EHD1: variants seen among roughly 807,000 people sequenced by gnomAD.
The protein encoded by EHD1 is EH domain-containing protein 1.
In EHD1, 19 loss-of-function variants were observed where a neutral mutation model predicts 39.0. The observed-to-expected ratio is 0.49, with a 90% CI of 0.34 to 0.72. The LOEUF (loss-of-function observed/expected upper bound fraction) is 0.72. Among genes scored for constraint, EHD1 ranks in the 30% least tolerant of loss-of-function variants. The pLI is 0.01. For synonymous variants in EHD1, 323 were observed against 331.2 expected (o/e 0.98, Z 0.27); for missense variants, 542 against 751.5 (o/e 0.72, Z 3.26).
intron 2 of EHD1, among the ~76,000 whole-genome samples, chr11:64,870,989 C>T (rs1182689397): frequency 6.6e-6 from 1 of 152,210 alleles, no homozygotes; most frequent in Non-Finnish European, 1.5e-5. Context: ...AGCCTGGCTG[C>T]ATCCTGACTG....
chr11:64,863,610 G>A (rs938631456), intron 2 of EHD1, among the ~76,000 whole-genome samples: 1 of 152,196 alleles, frequency 6.6e-6, no homozygotes, highest in African/African-American at 2.4e-5. Flanking sequence ...AGTCAAGCTC[G>A]CTCATGGGAT....
intron 1 of EHD1, among the ~76,000 whole-genome samples, chr11:64,876,503 C>T (rs1029487326): frequency 2.0e-5 from 3 of 152,188 alleles, no homozygotes; most frequent in Admixed American, 6.5e-5. Context: ...ATCAAAGCAC[C>T]GGTCTCGGAC....
In EHD1 at chr11:64,868,455, C is replaced by T. The variant is rs748031108; in HGVS notation, c.502+5966G>A. On this transcript the variant is annotated intron_variant, in intron 2 of 4. Transcript: ENST00000320631. The surrounding 1 kb of genome is among the most constrained non-coding windows in gnomAD (Gnocchi z 4.2). ...GCCCCAACAGGTGAATGGATGACAA[C>T]GGATGGTGCATCCCTATGATGGGAC... Among the ~76,000 whole-genome samples, 1 of 152,214 alleles carries T rather than the reference C, an allele frequency of 6.6e-6. No homozygotes were observed. Among genetic ancestry groups the T allele is most frequent in the Non-Finnish European group, 1.5e-5 (1 of 68,050 alleles).
intron 3 of EHD1, among the ~76,000 whole-genome samples, chr11:64,857,122 G>C (rs570077512): frequency 6.6e-6 from 1 of 152,314 alleles, no homozygotes; most frequent in East Asian, 1.9e-4. Context: ...AGAAGGGAGA[G>C]ATCTAGAAAA....
At chr11:64,864,468 G>A (rs1161283335) in intron 2 of EHD1, among the ~76,000 whole-genome samples, 1 of 152,178 alleles carries the variant, frequency 6.6e-6, no homozygotes, top group Admixed American at 6.5e-5. Flanking sequence ...AGAAAGAGAG[G>A]CCAAGGGCAA....
intron 3 of EHD1, among the ~76,000 whole-genome samples, chr11:64,856,847 G>A (rs1428916404): frequency 6.6e-6 from 1 of 152,246 alleles, no homozygotes; most frequent in Non-Finnish European, 1.5e-5. Context: ...TCCAGGCGCG[G>A]TGACTCAGTG....
intron 1 of EHD1, among the ~76,000 whole-genome samples, chr11:64,874,865 C>T (rs1329437777): frequency 1.3e-5 from 2 of 152,338 alleles, no homozygotes; most frequent in Non-Finnish European, 2.9e-5. Flanking sequence ...CAGAAGGTCA[C>T]GCTGGGGCGC....
Position 64,877,784 on chromosome 11 carries a change from G to A in EHD1, c.404+277C>T, listed in dbSNP as rs567534252. On this transcript the variant is annotated intron_variant, in intron 1 of 4. Coordinates refer to ENST00000320631, the MANE Select transcript of EHD1 (RefSeq NM_006795.4). ...CTTCCTACTGCGGCCCTGCTGCTGAGGGGAGTGGGGCTGGGATCTGCAGGA... is the reference window on the plus strand; with the variant it reads ...CTTCCTACTGCGGCCCTGCTGCTGAAGGGAGTGGGGCTGGGATCTGCAGGA... 1.6e-4 allele frequency: 59 copies of A among 364,232 alleles called. 1 individual carries two copies. The highest frequency in any genetic ancestry group is 1.0e-3 in the African/African-American group (48 of 48,136). The allele number at this position is 364,232 out of a possible 1,614,324, so 22.6% of individuals were successfully genotyped here.
chr11:64,852,001 G>GTC lies in EHD1; in HGVS notation c.*2331_*2332insGA, dbSNP rs1470422474. 1 of 152,242 alleles carries GTC rather than the reference G, an allele frequency of 6.6e-6. No homozygotes were observed. The highest frequency in any genetic ancestry group is 2.4e-5 in the African/African-American group (1 of 41,444). The allele number at this position is 152,242 out of a possible 1,614,324, so 9.4% of individuals were successfully genotyped here. A position where few individuals can be genotyped will look rare whatever the true frequency, so the allele number is the denominator to read the frequency against. Reference sequence around the variant, plus strand: ...ACTGAAGCATCCACTGGCACCTCAAGTGCTGGTCATAGGACCAGACACCAC... The same window carrying GTC: ...ACTGAAGCATCCACTGGCACCTCAAGTCTGCTGGTCATAGGACCAGACACCAC... On this transcript the variant is annotated 3_prime_UTR_variant, in exon 5 of 5. Transcript: ENST00000320631.
chr11:64,859,491 G>C (rs1414166978), intron 3 of EHD1: 2 of 160,420 alleles, frequency 1.2e-5, no homozygotes, highest in African/African-American at 4.8e-5. Flanking sequence ...CTGCACTCCA[G>C]CTTGGGCAAC....
rs1033090416 is a variant in EHD1 at position 64,868,179 on chromosome 11, G to A, written c.502+6242C>T. Among the ~76,000 whole-genome samples the A allele has an allele frequency of 6.6e-6, 1 of 152,212 alleles. No individual in the cohort carries two copies. Among genetic ancestry groups the A allele is most frequent in the African/African-American group, 2.4e-5 (1 of 41,452 alleles). On this transcript the variant is annotated intron_variant, in intron 2 of 4. Coordinates refer to ENST00000320631, the MANE Select transcript of EHD1 (RefSeq NM_006795.4). The surrounding 1 kb of genome is among the most constrained non-coding windows in gnomAD (Gnocchi z 4.2). ...AAACATAGAGGGTTTGTCTCCAATC[G>A]ACTTTTGTTTCCTGTCATTCAAGCT...
At chr11:64,871,438 G>T (rs1943829798) in intron 2 of EHD1, among the ~76,000 whole-genome samples, 1 of 152,172 alleles carries the variant, frequency 6.6e-6, no homozygotes, top group Admixed American at 6.5e-5. Flanking sequence ...CACCTAGCGG[G>T]GCTCATCCTG....
rs1382299808 is a variant in EHD1, at chr11:64,852,263, GCTAT to G, written c.*2066_*2069del. 4 of 152,240 alleles carry G rather than the reference GCTAT, an allele frequency of 2.6e-5. No individual in the cohort carries two copies. Among genetic ancestry groups the G allele is most frequent in the Non-Finnish European group, 5.9e-5 (4 of 68,086 alleles). The allele number at this position is 152,240 out of a possible 1,614,324, so 9.4% of individuals were successfully genotyped here. On this transcript the variant is annotated 3_prime_UTR_variant, in exon 5 of 5. Transcript: ENST00000320631. Reference sequence around the variant, plus strand: ...ACCCTTAGTTGCATGTTTGTCACAGGCTATCTGCTTTGTCTTCAGAGGCCCGGCT... The same window carrying G: ...ACCCTTAGTTGCATGTTTGTCACAGGCTGCTTTGTCTTCAGAGGCCCGGCT...
intron 2 of EHD1, among the ~76,000 whole-genome samples, chr11:64,864,231 G>A (rs991542287): frequency 3.9e-5 from 6 of 152,264 alleles, no homozygotes; most frequent in African/African-American, 1.4e-4. Context: ...CAGCCTGGAC[G>A]GGGAGGCCCG....
chr11:64,870,667 C>T (rs1943819072), intron 2 of EHD1, among the ~76,000 whole-genome samples: 1 of 152,246 alleles, frequency 6.6e-6, no homozygotes, highest in South Asian at 2.1e-4. Context: ...ACGAACTGGC[C>T]GGGCTGCCCA....
At chr11:64,865,153 A>C (rs553776912) in intron 2 of EHD1, among the ~76,000 whole-genome samples, 1 of 152,354 alleles carries the variant, frequency 6.6e-6, no homozygotes, top group East Asian at 1.9e-4. Context: ...CCACACCCAC[A>C]GGTGACAAAA....
In EHD1 at chr11:64,854,770, T is replaced by C. The variant is rs139980253; in HGVS notation, c.1168A>G (p.Ile390Val). 1,336 of 1,608,234 alleles carry C rather than the reference T, an allele frequency of 8.3e-4. 1 individual carries two copies. The highest frequency in any genetic ancestry group is 1.1e-3 in the Non-Finnish European group (1,273 of 1,179,942). Residue 390 changes from isoleucine to valine, a missense_variant, in exon 5 of 5, where the codon ATC becomes GTC. By Grantham distance (29) the Ile-to-Val change is conservative (BLOSUM62 3). Coordinates refer to ENST00000320631, the MANE Select transcript of EHD1 (RefSeq NM_006795.4). Reference sequence around the variant, plus strand: ...CGCACCATCACCATCAGCCGCGCGATGTCGTTGGCCAGCATGTCATCCACC... The same window carrying C: ...CGCACCATCACCATCAGCCGCGCGACGTCGTTGGCCAGCATGTCATCCACC... ...DTVDDMLAND[I>V]ARLMVMVRQE...
intron 2 of EHD1, among the ~76,000 whole-genome samples, chr11:64,866,525 T>TA: frequency 6.6e-6 from 1 of 151,816 alleles, no homozygotes; most frequent in African/African-American, 2.4e-5. Flanking sequence ...TACAAAAATT[T>TA]AAAAAAATTT....
intron 3 of EHD1, chr11:64,856,515 G>A (rs1393950397): frequency 6.6e-6 from 1 of 152,312 alleles, no homozygotes; most frequent in Non-Finnish European, 1.5e-5. Context: ...CAGCCCTCGA[G>A]AGTAGCCCAG....
Sources: allele counts gnomAD v4.1 joint callset (sites outside exome capture counted in the v4.1 genomes callset), GRCh38; gene constraint gnomAD v4.1.1; non-coding constraint Gnocchi (gnomAD v3.1); transcripts MANE v1.5; gene names NCBI Gene and HGNC (gene_info 2026-07-23, HGNC 2026-07-21).